The following PKP4 variants were observed in gnomAD, a reference collection of about 807,000 sequenced individuals.
PKP4 encodes plakophilin 4, also known as plakophilin-4.
PKP4 carries 90 observed loss-of-function variants against 145.1 expected under a neutral mutation model. That is an observed-to-expected ratio of 0.62 (90% CI 0.52 to 0.74). PKP4 has a LOEUF of 0.74. Ranked by LOEUF, PKP4 falls within the 30% of genes least tolerant of loss-of-function variation. PKP4 has a pLI of 0.00. For missense variants in PKP4, 1,340 were observed against 1,482.7 expected, an observed-to-expected ratio of 0.90 and a Z score of 1.58; for synonymous variants, 563 against 577.2, an observed-to-expected ratio of 0.98 and a Z score of 0.35.
At chr2:158,590,746 A>T (rs1400119783) in intron 3 of PKP4, among the ~76,000 whole-genome samples, 1 of 152,152 alleles carries the variant, frequency 6.6e-6, no homozygotes, top group Non-Finnish European at 1.5e-5. Context: ...TCTAGAAGTT[A>T]ACTTGGTAGA....
intron 3 of PKP4, among the ~76,000 whole-genome samples, chr2:158,595,081 G>A (rs185282570): frequency 2.0e-5 from 3 of 152,228 alleles, no homozygotes; most frequent in Non-Finnish European, 2.9e-5. Context: ...TTGTTCTGAC[G>A]TTAAGACAGA....
Position 158,621,039 on chromosome 2 carries a change from G to A in PKP4, c.330G>A (p.Gln110=), listed in dbSNP as rs1365638105. 1 of 1,614,062 alleles carries A rather than the reference G, an allele frequency of 6.2e-7. No individual in the cohort carries two copies. The highest frequency in any genetic ancestry group is 8.5e-7 in the Non-Finnish European group (1 of 1,179,962). The change falls in exon 5 of 22, where the codon CAG becomes CAA. Residue 110 remains glutamine (Q), a synonymous_variant. Transcript: ENST00000389759. ...AACCTAGAGTTTCTGACGCTGTCCAGCCCAACAACTATCTCATCAGGACAG... is the reference window on the plus strand; with the variant it reads ...AACCTAGAGTTTCTGACGCTGTCCAACCCAACAACTATCTCATCAGGACAG... ...VSKPRVSDAV[Q]PNNYLIRTEP... is the part of the protein sequence containing the mutation.
intron 1 of PKP4, among the ~76,000 whole-genome samples, chr2:158,470,230 T>G (rs370565998): frequency 5.3e-5 from 8 of 152,234 alleles, no homozygotes; most frequent in African/African-American, 1.9e-4. Context: ...GTTTACAACC[T>G]TAGTTATCCC....
At chr2:158,485,358 T>G (rs771617918) in intron 1 of PKP4, among the ~76,000 whole-genome samples, 5 of 152,206 alleles carry the variant, frequency 3.3e-5, no homozygotes, top group Non-Finnish European at 7.3e-5. Flanking sequence ...GTTAAGTCAT[T>G]CAGAAGTACG....
At position 158,680,489 on chromosome 2, in the gene PKP4, T is replaced by C. The variant is rs777816052; in HGVS notation, c.3391T>C (p.Leu1131=). ...CAGAAAGAACTTTGATGCATACAGA[T>C]TGTATTTGCAGTCTCCTCATAGCTA... is the stretch of plus-strand genomic sequence containing the variant. ...SNRKNFDAYR[L]YLQSPHSYED... is the part of the protein sequence containing the mutation. The change falls in exon 22 of 22, where the codon TTG becomes CTG. Residue 1131 remains leucine, a synonymous_variant. Coordinates refer to ENST00000389759, the MANE Select transcript of PKP4 (RefSeq NM_003628.6). 1 of 1,612,532 alleles carries C rather than the reference T, an allele frequency of 6.2e-7. No homozygotes were observed. The highest frequency in any genetic ancestry group is 1.1e-5 in the South Asian group (1 of 91,046).
At chr2:158,512,780 C>T (rs1220477721) in intron 1 of PKP4, among the ~76,000 whole-genome samples, 1 of 152,220 alleles carries the variant, frequency 6.6e-6, no homozygotes, top group Non-Finnish European at 1.5e-5. Context: ...GAAGTCACTG[C>T]AGTCCTGAGC....
chr2:158,606,405 C>G (rs1327218852), intron 4 of PKP4, among the ~76,000 whole-genome samples: 1 of 152,016 alleles, frequency 6.6e-6, no homozygotes, highest in Non-Finnish European at 1.5e-5. Context: ...CGTTATTATC[C>G]TTTTTATTAT....
At chr2:158,657,133 G>C (rs1387428174) in intron 11 of PKP4, among the ~76,000 whole-genome samples, 3 of 151,364 alleles carry the variant, frequency 2.0e-5, no homozygotes, top group African/African-American at 7.3e-5. Flanking sequence ...TAGGACTCTG[G>C]GGGGGACTTG....
chr2:158,530,454 G>C (rs1000053153), intron 1 of PKP4, among the ~76,000 whole-genome samples: 23 of 150,108 alleles, frequency 1.5e-4, no homozygotes, highest in Admixed American at 3.3e-4. Flanking sequence ...TGAGGGAAGC[G>C]TGAGGCCTAA....
At chr2:158,672,847 AT>A (rs1462757471) in intron 17 of PKP4, among the ~76,000 whole-genome samples, 1 of 93,934 alleles carries the variant, frequency 1.1e-5, no homozygotes, top group African/African-American at 4.9e-5. Context: ...AATTGGGAAG[AT>A]AACGGAGTAG....
chr2:158,522,243 AT>A (rs1422621946), intron 1 of PKP4, among the ~76,000 whole-genome samples: 1 of 152,204 alleles, frequency 6.6e-6, no homozygotes, highest in Non-Finnish European at 1.5e-5. Flanking sequence ...TCTCTGGAAG[AT>A]TTAAGACAGA....
chr2:158,504,686 C>A (rs1439923982), intron 1 of PKP4, among the ~76,000 whole-genome samples: 1 of 151,726 alleles, frequency 6.6e-6, no homozygotes, highest in Non-Finnish European at 1.5e-5. Flanking sequence ...AAAAAAAAAA[C>A]CAACTTTATT....
intron 2 of PKP4, among the ~76,000 whole-genome samples, chr2:158,540,401 C>G (rs985716382): frequency 6.6e-6 from 1 of 152,068 alleles, no homozygotes; most frequent in African/African-American, 2.4e-5. Context: ...TACAGTGCCT[C>G]CATACTTAGA....
intron 1 of PKP4, among the ~76,000 whole-genome samples, chr2:158,492,888 A>G (rs1474697456): frequency 6.6e-6 from 1 of 152,208 alleles, no homozygotes; most frequent in African/African-American, 2.4e-5. Context: ...CTTTAAGAAA[A>G]GGGGATTATG....
At chr2:158,523,889 A>T (rs1286695810) in intron 1 of PKP4, among the ~76,000 whole-genome samples, 1 of 141,000 alleles carries the variant, frequency 7.1e-6, no homozygotes, top group Non-Finnish European at 1.5e-5. Flanking sequence ...TCAGCAACGG[A>T]AGATGAAATG....
intron 3 of PKP4, among the ~76,000 whole-genome samples, chr2:158,594,285 C>G (rs887901899): frequency 1.3e-5 from 2 of 152,132 alleles, no homozygotes; most frequent in African/African-American, 2.4e-5. Context: ...TTCAAGTGCT[C>G]TTGCTTTTCT....
At chr2:158,481,987 A>G (rs1693427881) in intron 1 of PKP4, among the ~76,000 whole-genome samples, 1 of 152,194 alleles carries the variant, frequency 6.6e-6, no homozygotes, top group African/African-American at 2.4e-5. Flanking sequence ...ACTGTATTCT[A>G]CTTGGAATAA....
intron 1 of PKP4, among the ~76,000 whole-genome samples, chr2:158,483,915 G>A (rs1693746204): frequency 1.3e-5 from 2 of 152,102 alleles, no homozygotes; most frequent in Non-Finnish European, 2.9e-5. Flanking sequence ...ACGGTCAGCT[G>A]AGTTGATTTT....
At chr2:158,559,772 G>C (rs1426461278) in intron 2 of PKP4, among the ~76,000 whole-genome samples, 1 of 152,094 alleles carries the variant, frequency 6.6e-6, no homozygotes, top group East Asian at 1.9e-4. Context: ...TCTTAAAAGA[G>C]TAATATGATG....
Sources: gnomAD v4.1 joint callset for allele counts (sites outside exome capture counted in the v4.1 genomes callset) on GRCh38, gnomAD v4.1.1 for gene constraint, MANE v1.5 for transcripts, NCBI Gene and HGNC (gene_info 2026-07-23, HGNC 2026-07-21) for gene names.